Variants in CSMD1 observed in about 807,000 individuals in gnomAD.
CSMD1 encodes CUB and Sushi multiple domains 1, also known as CUB and sushi domain-containing protein 1.
CSMD1 carries 213 observed loss-of-function variants against 417.5 expected under a neutral mutation model. That is an observed-to-expected ratio of 0.51 (90% confidence interval 0.46 to 0.57). The LOEUF (loss-of-function observed/expected upper bound fraction) is 0.57, where lower values mean the gene tolerates loss of function less well. CSMD1 is among the 20% of genes least tolerant of loss of function. The pLI, the probability that CSMD1 is intolerant of heterozygous loss-of-function variation, is 0.00. For synonymous variants in CSMD1, 2,862 were observed against 1,736.8 expected, an observed-to-expected ratio of 1.65 and a Z score of -16.11; for missense variants, 6,923 against 4,529.7, an observed-to-expected ratio of 1.53 and a Z score of -15.17.
intron 2 of CSMD1, among the ~76,000 whole-genome samples, chr8:4,631,869 G>C (rs374356634): frequency 1.3e-5 from 2 of 152,148 alleles, no homozygotes; most frequent in East Asian, 1.9e-4. Context: ...CCTAGGCCTT[G>C]TATTTTACAA....
At position 4,129,759 on chromosome 8, in the gene CSMD1, G is replaced by A. The variant is rs78520588; in HGVS notation, c.416-97660C>T. Among the ~76,000 whole-genome samples the A allele has an allele frequency of 6.9e-3, 1,050 of 151,906 alleles. 10 individuals carry two copies. Among genetic ancestry groups the A allele is most frequent in the African/African-American group, 0.025 (1,019 of 41,382 alleles). ...CTTTCAATCTGGAAATAACCATCCT[G>A]GAAAATTTCTTCAACAATTTAATTT... is the stretch of plus-strand genomic sequence containing the variant. On this transcript the variant is annotated intron_variant, in intron 3 of 69. Transcript: ENST00000635120.
intron 2 of CSMD1, among the ~76,000 whole-genome samples, chr8:4,500,244 AAGAG>A (rs1169181124): frequency 2.3e-4 from 35 of 152,122 alleles, no homozygotes; most frequent in Admixed American, 2.3e-3. Flanking sequence ...AACATCATGT[AAGAG>A]AGATCATAGA....
chr8:3,307,663 T>G, intron 25 of CSMD1, 32 bp downstream of exon 25: 1 of 1,606,846 alleles, frequency 6.2e-7, no homozygotes, highest in South Asian at 1.1e-5. Flanking sequence ...ATCTCTTTTC[T>G]CAAATCACTG....
chr8:3,629,061 G>C (rs1584985273), intron 7 of CSMD1, among the ~76,000 whole-genome samples: 1 of 152,264 alleles, frequency 6.6e-6, no homozygotes, highest in Non-Finnish European at 1.5e-5. Context: ...GGAACAGACA[G>C]TTATCGACAC....
chr8:3,719,152 T>A (rs1158309747), intron 6 of CSMD1, among the ~76,000 whole-genome samples: 1 of 152,228 alleles, frequency 6.6e-6, no homozygotes, highest in Non-Finnish European at 1.5e-5. Context: ...TCTTCTTTTC[T>A]ATACTTCGTT....
intron 25 of CSMD1, among the ~76,000 whole-genome samples, chr8:3,299,179 T>C (rs79785436): frequency 0.15 from 22,460 of 152,034 alleles, 1,714 homozygotes; most frequent in Admixed American, 0.2. Context: ...AAGCCAGGTA[T>C]GGTGGCTCAC....
intron 3 of CSMD1, among the ~76,000 whole-genome samples, chr8:4,286,822 C>T (rs1283584109): frequency 6.6e-6 from 1 of 152,116 alleles, no homozygotes; most frequent in Non-Finnish European, 1.5e-5. Context: ...GTTGATCTTT[C>T]AGTTGCTGTT....
At chr8:4,855,864 C>T (rs1801769520) in intron 1 of CSMD1, among the ~76,000 whole-genome samples, 1 of 150,670 alleles carries the variant, frequency 6.6e-6, no homozygotes, top group South Asian at 2.1e-4. Context: ...AGGAGAACTT[C>T]CCCAATCTAG....
At chr8:2,954,188 T>C (rs368358057) in intron 65 of CSMD1, 36 bp downstream of exon 65, 215 of 1,296,258 alleles carry the variant, frequency 1.7e-4, no homozygotes, top group Middle Eastern at 3.7e-4. Flanking sequence ...AATCACTTTA[T>C]TGGATTGAAA....
chr8:3,917,775 C>G (rs375570766), intron 5 of CSMD1, among the ~76,000 whole-genome samples: 1 of 152,058 alleles, frequency 6.6e-6, no homozygotes, highest in East Asian at 1.9e-4. Flanking sequence ...GCCAAAGATT[C>G]CCCCCACACC....
intron 29 of CSMD1, among the ~76,000 whole-genome samples, chr8:3,217,583 C>A (rs941121662): frequency 6.6e-6 from 1 of 152,160 alleles, no homozygotes; most frequent in African/African-American, 2.4e-5. Context: ...TGGTAAAATG[C>A]ATTTTAGTGA....
chr8:4,126,023 C>A (rs1802743949), intron 3 of CSMD1, among the ~76,000 whole-genome samples: 1 of 152,100 alleles, frequency 6.6e-6, no homozygotes, highest in Non-Finnish European at 1.5e-5. Flanking sequence ...CTCCATGGAT[C>A]AGCTGATACC....
At chr8:4,891,529 T>C (rs190070541) in intron 1 of CSMD1, among the ~76,000 whole-genome samples, 1 of 152,098 alleles carries the variant, frequency 6.6e-6, no homozygotes, top group African/African-American at 2.4e-5. Flanking sequence ...ACTAAAAATA[T>C]TTTTATAGGG....
At chr8:3,514,143 T>G (rs568714466) in intron 10 of CSMD1, among the ~76,000 whole-genome samples, 1 of 152,332 alleles carries the variant, frequency 6.6e-6, no homozygotes, top group Admixed American at 6.5e-5. Context: ...CCGTAATCAC[T>G]TCTGTCTCCC....
In CSMD1 at chr8:4,764,879, A is replaced by AACAAAAC. The variant is rs1227927945; in HGVS notation, c.86-127322_86-127321insGTTTTGT. 3.1e-4 allele frequency among the ~76,000 whole-genome samples: 15 copies of AACAAAAC among 47,960 alleles called. 1 individual carries two copies. The highest frequency in any genetic ancestry group is 1.2e-3 in the African/African-American group (12 of 9,796). 31.5% of individuals were successfully genotyped at this position (47,960 alleles called of 152,430 possible). ...CAGAGCGAGACTCCATCTCAAAAAAAAAAAAAAAAAAAAAACAACAACAAC... is the reference window on the plus strand; with the variant it reads ...CAGAGCGAGACTCCATCTCAAAAAAAACAAAACAAAAAAAAAAAAAAACAACAACAAC... On this transcript the variant is annotated intron_variant, in intron 1 of 69. Coordinates refer to ENST00000635120, the MANE Select transcript of CSMD1 (RefSeq NM_033225.6).
At chr8:3,952,291 C>A (rs868300086) in intron 5 of CSMD1, among the ~76,000 whole-genome samples, 1 of 152,058 alleles carries the variant, frequency 6.6e-6, no homozygotes, top group Non-Finnish European at 1.5e-5. Context: ...CTAGAGGCTA[C>A]GCGAAAGGTG....
intron 18 of CSMD1, among the ~76,000 whole-genome samples, chr8:3,381,713 A>T (rs1411584853): frequency 2.6e-5 from 4 of 152,206 alleles, no homozygotes; most frequent in Non-Finnish European, 5.9e-5. Flanking sequence ...TTCCAATTAC[A>T]AAAATAAGAC....
At chr8:3,008,555 T>C (rs567988299) in intron 52 of CSMD1, among the ~76,000 whole-genome samples, 44 of 152,314 alleles carry the variant, frequency 2.9e-4, no homozygotes, top group Non-Finnish European at 5.9e-5. Flanking sequence ...TTGTTTTGTT[T>C]GTTCGTTTCC....
chr8:4,908,271 A>ATTC (rs1304415406), intron 1 of CSMD1, among the ~76,000 whole-genome samples: 7 of 152,110 alleles, frequency 4.6e-5, no homozygotes, highest in Non-Finnish European at 2.9e-5. Flanking sequence ...TCCTTCCTGA[A>ATTC]TTCTTTCAAG....
Sources: gnomAD v4.1 joint callset for allele counts (sites outside exome capture counted in the v4.1 genomes callset) on GRCh38, gnomAD v4.1.1 for gene constraint, MANE v1.5 for transcripts, NCBI Gene and HGNC (gene_info 2026-07-23, HGNC 2026-07-21) for gene names.